Variants in FMO5 observed in about 807,000 individuals in gnomAD.
The protein encoded by FMO5 is flavin-containing monooxygenase 5.
In FMO5, 51 loss-of-function variants were observed where a neutral mutation model predicts 43.6. The observed-to-expected ratio is 1.17, with a 90% confidence interval of 0.93 to 1.48. FMO5 has a LOEUF of 1.48. Ranked by LOEUF, FMO5 falls within the 40% of genes most tolerant of loss-of-function variation. The probability of loss-of-function intolerance (pLI) is 0.00; values close to 1 mark genes in which losing one functional copy is unlikely to be tolerated. For missense variants in FMO5, 644 were observed against 643.0 expected (o/e 1.00, Z -0.02); for synonymous variants, 187 against 216.5 (o/e 0.86, Z 1.20).
upstream of FMO5, chr1:147,225,348 G>T: frequency 3.0e-6 from 1 of 328,430 alleles, no homozygotes; most frequent in Non-Finnish European, 5.5e-6. Flanking sequence ...TCAACAGGCG[G>T]CTGTTGTCAA....
At chr1:147,190,150 A>G (rs1553918129) in intron 8 of FMO5, 27 bp downstream of exon 8, 2 of 1,447,370 alleles carry the variant, frequency 1.4e-6, no homozygotes, top group South Asian at 1.2e-5. Flanking sequence ...AAATGTAACC[A>G]TATATCTTCC....
intron 2 of FMO5, 92 bp downstream of exon 2, chr1:147,224,803 G>A (rs1663726279): frequency 3.1e-6 from 4 of 1,303,314 alleles, no homozygotes; most frequent in South Asian, 2.5e-5. Context: ...TGCCAACCGC[G>A]CCCGGCCACC....
intron 2 of FMO5, among the ~76,000 whole-genome samples, chr1:147,221,113 C>CAGTAAGTAAT (rs1553926152): frequency 0.14 from 21,771 of 152,010 alleles, 1,537 homozygotes; most frequent in South Asian, 0.18. Flanking sequence ...CATACCTGGC[C>CAGTAAGTAAT]CCAAAACTAT....
intron 7 of FMO5, among the ~76,000 whole-genome samples, chr1:147,195,109 A>T (rs1553919483): frequency 6.6e-6 from 1 of 152,070 alleles, no homozygotes; most frequent in Non-Finnish European, 1.5e-5. Context: ...GTGTTTTCCA[A>T]CTTGGTTCCA....
chr1:147,226,297 C>G (rs1291900047), upstream of FMO5, among the ~76,000 whole-genome samples: 1 of 151,980 alleles, frequency 6.6e-6, no homozygotes, highest in Non-Finnish European at 1.5e-5. Flanking sequence ...ATCTACACTT[C>G]TGGAAGAAAT....
chr1:147,216,220 C>A (rs1553925044), intron 2 of FMO5, among the ~76,000 whole-genome samples: 1 of 152,170 alleles, frequency 6.6e-6, no homozygotes. Context: ...AGAAAGCTCG[C>A]TCTGGTAGAA....
chr1:147,198,904 T>G (rs1330222144), intron 7 of FMO5, among the ~76,000 whole-genome samples: 3 of 136,602 alleles, frequency 2.2e-5, no homozygotes, highest in African/African-American at 5.3e-5. Flanking sequence ...AAATTGGAGG[T>G]TGTATCCAAT....
chr1:147,201,514 G>T lies in FMO5; in HGVS notation c.831-10C>A. On this transcript the variant is annotated splice_polypyrimidine_tract_variant and intron_variant, in intron 6 of 8. Coordinates refer to ENST00000254090, the MANE Select transcript of FMO5 (RefSeq NM_001461.4). ...ATGCTGACTCAGAGCTCTGTGAGTC[G>T]TGACAAAGATCAAGTGGAGAAATGA... 6.3e-7 allele frequency: 1 copy of T among 1,587,966 alleles called. No individual in the cohort carries two copies. Among genetic ancestry groups the T allele is most frequent in the Non-Finnish European group, 8.6e-7 (1 of 1,158,908 alleles).
Position 147,190,179 on chromosome 1 carries a change from T to G in FMO5, c.1254A>C (p.Lys418Asn), listed in dbSNP as rs1553918143. ...EISKAQEEID[K>N]RYVESQRHTI... The stretch of plus-strand genomic sequence containing the variant: ...ATCTTCCTGGGAGAGTTTCTTACCT[T>G]TTGTCAATTTCCTCTTGAGCTTTAG... Residue 418 changes from lysine (K) to asparagine (N), a missense_variant and splice_region_variant, in exon 8 of 9, where the codon AAA becomes AAC. Transcript: ENST00000254090. 3 of 1,601,188 alleles carry G rather than the reference T, an allele frequency of 1.9e-6. No individual in the cohort carries two copies. In the East Asian group the frequency reaches 6.7e-5, roughly 36 times the overall value.
intron 6 of FMO5, among the ~76,000 whole-genome samples, chr1:147,207,599 A>G (rs1660323831): frequency 2.0e-5 from 3 of 152,162 alleles, no homozygotes; most frequent in Admixed American, 2.0e-4. Flanking sequence ...GCCCTCGGGA[A>G]AATTACTTAG....
chr1:147,205,415 T>TCAAC (rs1322323875), intron 6 of FMO5, among the ~76,000 whole-genome samples: 1 of 152,146 alleles, frequency 6.6e-6, no homozygotes, highest in Non-Finnish European at 1.5e-5. Context: ...CCCACTAAGA[T>TCAAC]CAACATGTCC....
chr1:147,203,353 T>C, intron 6 of FMO5: 4 of 1,344,610 alleles, frequency 3.0e-6, no homozygotes, highest in Non-Finnish European at 4.3e-6. Context: ...CATGATTACC[T>C]GACCCACTCT....
intron 2 of FMO5, among the ~76,000 whole-genome samples, chr1:147,219,931 C>T (rs1042921016): frequency 2.0e-5 from 3 of 151,492 alleles, no homozygotes; most frequent in Non-Finnish European, 2.9e-5. Context: ...CCCTGCCTCC[C>T]GGGTGCAAGC....
upstream of FMO5, among the ~76,000 whole-genome samples, chr1:147,226,882 G>T (rs903922428): frequency 6.6e-6 from 1 of 150,420 alleles, no homozygotes; most frequent in Non-Finnish European, 1.5e-5. Context: ...ACTTGGGCTG[G>T]AGTGCAGTGG....
At chr1:147,191,829 G>A (rs587705411) in intron 7 of FMO5, among the ~76,000 whole-genome samples, 17 of 152,096 alleles carry the variant, frequency 1.1e-4, no homozygotes, top group African/African-American at 3.4e-4. Context: ...GTAGACATGC[G>A]GCATTATTTC....
intron 7 of FMO5, among the ~76,000 whole-genome samples, chr1:147,193,594 A>T (rs1324609435): frequency 6.6e-6 from 1 of 151,760 alleles, no homozygotes; most frequent in East Asian, 1.9e-4. Context: ...TTTAATTGTG[A>T]TGTTAGGGTG....
chr1:147,215,924 T>G lies in FMO5; in HGVS notation c.154A>C (p.Arg52=). The change falls in exon 3 of 9, where the codon AGG becomes CGG. Residue 52 remains arginine, a synonymous_variant. Transcript: ENST00000254090. ...WRFQENPEEG[R]ASIYKSVIIN... ...ATCACTGATTTGTAAATACTGGCCCTTCCTTCTTCAGGATTTTCCTGCAAT... is the reference window on the plus strand; with the variant it reads ...ATCACTGATTTGTAAATACTGGCCCGTCCTTCTTCAGGATTTTCCTGCAAT... 2 of 1,605,986 alleles carry G rather than the reference T, an allele frequency of 1.2e-6. No homozygotes were observed. The highest frequency in any genetic ancestry group is 1.1e-5 in the South Asian group (1 of 88,804).
intron 5 of FMO5, among the ~76,000 whole-genome samples, chr1:147,209,445 A>AAG (rs1174441836): frequency 6.6e-6 from 1 of 151,570 alleles, no homozygotes; most frequent in Admixed American, 6.6e-5. Context: ...CTCAAAAAAA[A>AAG]AAAAAAAAAG....
chr1:147,188,014 A>C (rs1464347385), intron 8 of FMO5, among the ~76,000 whole-genome samples: 1 of 152,176 alleles, frequency 6.6e-6, no homozygotes, highest in Non-Finnish European at 1.5e-5. Flanking sequence ...ACAGGAAAAA[A>C]ATGATAGAAA....
Sources: allele counts gnomAD v4.1 joint callset (sites outside exome capture counted in the v4.1 genomes callset), GRCh38; gene constraint gnomAD v4.1.1; transcripts MANE v1.5; gene names NCBI Gene and HGNC (gene_info 2026-07-23, HGNC 2026-07-21).